The following DCDC2B variants were observed in gnomAD, a reference collection of about 807,000 sequenced individuals.
The protein encoded by DCDC2B is doublecortin domain-containing protein 2B.
In DCDC2B, 41 loss-of-function variants were observed where a neutral mutation model predicts 38.9. That is an observed-to-expected ratio of 1.05 (90% CI 0.82 to 1.37). The LOEUF (loss-of-function observed/expected upper bound fraction) is 1.37. Among genes scored for constraint, DCDC2B ranks in the 40% most tolerant of loss-of-function variants. The pLI, the probability that DCDC2B is intolerant of heterozygous loss-of-function variation, is 0.00. For synonymous variants in DCDC2B, 181 were observed against 171.9 expected (o/e 1.05, Z -0.41); for missense variants, 453 against 427.2 (o/e 1.06, Z -0.53).
chr1:32,215,492 C>T lies in DCDC2B; in HGVS notation c.903C>T (p.Ala301=), dbSNP rs755530985. 1.2e-6 allele frequency: 2 copies of T among 1,613,652 alleles called. No individual in the cohort carries two copies. Among genetic ancestry groups the T allele is most frequent in the Non-Finnish European group, 1.7e-6 (2 of 1,179,826 alleles). Residue 301 remains alanine (A), a synonymous_variant, in exon 8 of 9, where the codon GCC becomes GCT. Coordinates refer to ENST00000409358, the MANE Select transcript of DCDC2B (RefSeq NM_001099434.2). The part of the protein sequence containing the change: ...APHRRKETAG[A]LEVADDEDTQ... ...ACCGAAGGAAGGAGACAGCGGGGGC[C>T]CTGGAAGTAGCAGATGATGAAGACA... is the stretch of plus-strand genomic sequence containing the variant.
At chr1:32,212,684 AC>A in intron 5 of DCDC2B, 48 bp downstream of exon 5, 1 of 1,612,414 alleles carries the variant, frequency 6.2e-7, no homozygotes, top group South Asian at 1.1e-5. Flanking sequence ...AGAGGAAGCC[AC>A]CCTCTGGGTC....
At chr1:32,211,247 A>G in intron 1 of DCDC2B, 25 bp from the exon 2 acceptor site, 2 of 1,612,334 alleles carry the variant, frequency 1.2e-6, no homozygotes, top group Non-Finnish European at 1.7e-6. Context: ...CCACAAGATG[A>G]CCTGTGATCT....
chr1:32,211,840 G>A lies in DCDC2B; in HGVS notation c.395+3G>A. The A allele has an allele frequency of 6.2e-7, 1 of 1,606,730 alleles. No individual in the cohort carries two copies. Among genetic ancestry groups the A allele is most frequent in the Non-Finnish European group, 8.5e-7 (1 of 1,176,706 alleles). On this transcript the variant is annotated splice_donor_region_variant and intron_variant, in intron 3 of 8. Transcript: ENST00000409358. Reference sequence around the variant, plus strand: ...GCAGGTGCTCCCAGCTATATCCAGTGAGTGCCAGTGTGAGGGAGCAGGGGT... The same window carrying A: ...GCAGGTGCTCCCAGCTATATCCAGTAAGTGCCAGTGTGAGGGAGCAGGGGT...
At chr1:32,212,872 C>G (rs1643648019) in intron 6 of DCDC2B, 79 bp downstream of exon 6, 5 of 1,469,482 alleles carry the variant, frequency 3.4e-6, no homozygotes, top group East Asian at 2.3e-5. Flanking sequence ...AGGCTCTGAC[C>G]TTATTTCACT....
At chr1:32,215,616 C>G in intron 8 of DCDC2B, 73 bp downstream of exon 8, 1 of 1,413,892 alleles carries the variant, frequency 7.1e-7, no homozygotes, top group Non-Finnish European at 9.8e-7. Flanking sequence ...AGCCTTGGGC[C>G]CCAGGAACAG....
Position 32,209,340 on chromosome 1 carries a change from G to C in DCDC2B, c.247G>C (p.Glu83Gln). The change falls in exon 1 of 9, where the codon GAA becomes CAA. Residue 83 changes from glutamate to glutamine, a missense_variant. Physicochemically the swap from Glu to Gln is conservative, Grantham distance 29. Transcript: ENST00000409358. ...NRGQYVAAGFERFHKLHYLPH... is the reference protein window; with the variant it reads ...NRGQYVAAGFQRFHKLHYLPH... Reference sequence around the variant, plus strand: ...AGGGCAGTATGTGGCCGCTGGATTTGAACGATTCCACAAGCTCCAGTGAGT... The same window carrying C: ...AGGGCAGTATGTGGCCGCTGGATTTCAACGATTCCACAAGCTCCAGTGAGT... The C allele has an allele frequency of 6.2e-7, 1 of 1,613,964 alleles. No individual in the cohort carries two copies. The highest frequency in any genetic ancestry group is 8.5e-7 in the Non-Finnish European group (1 of 1,179,880).
At chr1:32,211,720 GCCC>G in intron 2 of DCDC2B, 38 bp from the exon 3 acceptor site, 1 of 1,566,570 alleles carries the variant, frequency 6.4e-7, no homozygotes, top group Non-Finnish European at 8.7e-7. Flanking sequence ...CTAACCAAAG[GCCC>G]CAACTCTCCT....
At position 32,216,027 on chromosome 1, in the gene DCDC2B, C is replaced by A; in HGVS notation, c.*130C>A. 1.2e-6 allele frequency: 1 copy of A among 822,312 alleles called. No homozygotes were observed. Among genetic ancestry groups the A allele is most frequent in the Non-Finnish European group, 2.0e-6 (1 of 510,866 alleles). 50.9% of individuals were successfully genotyped at this position (822,312 alleles called of 1,614,324 possible). On this transcript the variant is annotated 3_prime_UTR_variant, in exon 9 of 9. Transcript: ENST00000409358. ...ACAGGGTACACTGCGGCCTCCTCAG[C>A]CCTCCCCGTTCTCCTGCTCCTAAAC...
chr1:32,211,402 G>A (rs1643578145), intron 2 of DCDC2B, 79 bp downstream of exon 2: 1 of 1,487,004 alleles, frequency 6.7e-7, no homozygotes, highest in Non-Finnish European at 9.3e-7. Flanking sequence ...GGTCTGGGAA[G>A]CCAGGGAAGC....
At position 32,215,923 on chromosome 1, in the gene DCDC2B, G is replaced by C. The variant is rs759445657; in HGVS notation, c.*26G>C. ...GAGCCAGCAGCTCCAGAGGGCAACT[G>C]GGGACCACTACTCTGGCCACCTTTT... On this transcript the variant is annotated 3_prime_UTR_variant, in exon 9 of 9. Coordinates refer to ENST00000409358, the MANE Select transcript of DCDC2B (RefSeq NM_001099434.2). 365 of 1,527,234 alleles carry C rather than the reference G, an allele frequency of 2.4e-4. No individual in the cohort carries two copies. The highest frequency in any genetic ancestry group is 3.2e-4 in the Non-Finnish European group (358 of 1,126,146). The allele number at this position is 1,527,234 out of a possible 1,614,324, so 94.6% of individuals were successfully genotyped here.
chr1:32,214,207 G>C (rs1643702326), intron 6 of DCDC2B, among the ~76,000 whole-genome samples: 1 of 150,554 alleles, frequency 6.6e-6, no homozygotes, highest in African/African-American at 2.4e-5. Flanking sequence ...AGCTACTTGG[G>C]AGGCTGAGGC....
At chr1:32,211,572 G>A (rs1569746517) in intron 2 of DCDC2B, among the ~76,000 whole-genome samples, 189 bp from the exon 3 acceptor site, 2 of 152,208 alleles carry the variant, frequency 1.3e-5, no homozygotes, top group Admixed American at 1.3e-4. Flanking sequence ...GATTGGGGGA[G>A]GGGGTGGTTA....
Position 32,212,510 on chromosome 1 carries a change from T to A in DCDC2B, c.548T>A (p.Leu183His). The change falls in exon 5 of 9, where the codon CTC becomes CAC. Residue 183 changes from leucine to histidine, a missense_variant. Physicochemically the swap from Leu to His is moderately conservative, Grantham distance 99. Coordinates refer to ENST00000409358, the MANE Select transcript of DCDC2B (RefSeq NM_001099434.2). ...CCCAGACTCTGCACCCTAGAGGGGC[T>A]CCCACTGTCAGCAGGGAAGGAGCTG... Reference protein sequence around the residue: ...AVCKLCTLEGLPLSAGKELVT... With the variant: ...AVCKLCTLEGHPLSAGKELVT... The A allele has an allele frequency of 6.2e-7, 1 of 1,613,970 alleles. No homozygotes were observed.
chr1:32,215,192 G>A (rs895832160), intron 7 of DCDC2B: 2 of 591,842 alleles, frequency 3.4e-6, no homozygotes, highest in Non-Finnish European at 5.8e-6. Context: ...TTCTTCACAG[G>A]GCCTCATCAC....
chr1:32,212,822 G>T (rs1643646370), intron 6 of DCDC2B, 29 bp downstream of exon 6: 3 of 1,611,292 alleles, frequency 1.9e-6, no homozygotes, highest in Non-Finnish European at 2.5e-6. Context: ...AATGAGGGGT[G>T]GGAAGAAGGG....
chr1:32,215,579 G>A (rs777457323), intron 8 of DCDC2B, 36 bp downstream of exon 8: 1 of 1,595,264 alleles, frequency 6.3e-7, no homozygotes, highest in Non-Finnish European at 8.6e-7. Flanking sequence ...ATGTTGGGGT[G>A]GGAGGAGCTC....
At position 32,211,811 on chromosome 1, in the gene DCDC2B, G is replaced by C. The variant is rs766240063; in HGVS notation, c.369G>C (p.Leu123=). ...GTGATGGGGCCATTGGACGGCAGCT[G>C]CCTGCAGGTGCTCCCAGCTATATCC... The part of the protein sequence containing the change: ...HLCDGAIGRQ[L]PAGAPSYIHV... Residue 123 remains leucine, a synonymous_variant, in exon 3 of 9, where the codon CTG becomes CTC. Coordinates refer to ENST00000409358, the MANE Select transcript of DCDC2B (RefSeq NM_001099434.2). 1.9e-6 allele frequency: 3 copies of C among 1,610,474 alleles called. No homozygotes were observed. The highest frequency in any genetic ancestry group is 1.7e-6 in the Non-Finnish European group (2 of 1,178,508).
chr1:32,211,726 A>G, intron 2 of DCDC2B, 35 bp from the exon 3 acceptor site: 2 of 1,574,754 alleles, frequency 1.3e-6, no homozygotes, highest in African/African-American at 1.4e-5. Context: ...AAAGGCCCCA[A>G]CTCTCCTGAT....
intron 5 of DCDC2B, 44 bp from the exon 6 acceptor site, chr1:32,212,710 C>G: frequency 1.2e-6 from 2 of 1,613,454 alleles, no homozygotes; most frequent in Non-Finnish European, 1.7e-6. Context: ...TGCTTTGACT[C>G]TATGCCCTCT....
Sources: gnomAD v4.1 joint callset for allele counts (sites outside exome capture counted in the v4.1 genomes callset) on GRCh38, gnomAD v4.1.1 for gene constraint, MANE v1.5 for transcripts, NCBI Gene and HGNC (gene_info 2026-07-23, HGNC 2026-07-21) for gene names.